Variants in RALYL observed in about 807,000 individuals in gnomAD.
The protein encoded by RALYL is RALY RNA binding protein like, also known as RNA-binding Raly-like protein.
A neutral mutation model predicts 35.1 loss-of-function variants in RALYL; 29 were observed. The observed-to-expected ratio is 0.83, with a 90% confidence interval of 0.61 to 1.13. The LOEUF (loss-of-function observed/expected upper bound fraction) is 1.13. Among genes scored for constraint, RALYL ranks in the 50% most tolerant of loss-of-function variants. The probability of loss-of-function intolerance (pLI) is 0.00; values close to 1 mark genes in which losing one functional copy is unlikely to be tolerated. For synonymous variants in RALYL, 120 were observed against 127.6 expected, an observed-to-expected ratio of 0.94 and a Z score of 0.40; for missense variants, 359 against 360.4, an observed-to-expected ratio of 1.00 and a Z score of 0.03.
At chr8:84,772,279 A>G (rs1442543390) in intron 2 of RALYL, among the ~76,000 whole-genome samples, 2 of 152,102 alleles carry the variant, frequency 1.3e-5, no homozygotes, top group Non-Finnish European at 2.9e-5. Flanking sequence ...AATATTGATA[A>G]GGCAACTTTA....
intron 4 of RALYL, among the ~76,000 whole-genome samples, chr8:84,814,655 A>T (rs1826752373): frequency 6.6e-6 from 1 of 152,218 alleles, no homozygotes; most frequent in African/African-American, 2.4e-5. Context: ...GAAAGTTACA[A>T]GAAGTTATTT....
At chr8:84,651,302 G>T (rs564641316) in intron 2 of RALYL, among the ~76,000 whole-genome samples, 2 of 151,512 alleles carry the variant, frequency 1.3e-5, no homozygotes, top group African/African-American at 2.4e-5. Flanking sequence ...TGATATGAAT[G>T]CCATAACTAT....
At chr8:84,720,962 G>A (rs1319473428) in intron 2 of RALYL, among the ~76,000 whole-genome samples, 2 of 152,014 alleles carry the variant, frequency 1.3e-5, no homozygotes, top group African/African-American at 4.8e-5. Context: ...GTTAAAATGG[G>A]TATTATTAAA....
intron 1 of RALYL, among the ~76,000 whole-genome samples, chr8:84,349,595 C>A (rs749206735): frequency 6.7e-6 from 1 of 150,240 alleles, no homozygotes; most frequent in Admixed American, 6.6e-5. Flanking sequence ...TTCTCTCCCC[C>A]CACCTACCCT....
chr8:84,488,122 C>T (rs2054850218), intron 1 of RALYL, among the ~76,000 whole-genome samples: 2 of 151,956 alleles, frequency 1.3e-5, no homozygotes, highest in Non-Finnish European at 1.5e-5. Flanking sequence ...ATTTATAACT[C>T]CACTTTATAG....
At chr8:84,380,671 G>T (rs907074949) in intron 1 of RALYL, among the ~76,000 whole-genome samples, 24 of 151,924 alleles carry the variant, frequency 1.6e-4, no homozygotes, top group Non-Finnish European at 3.2e-4. Context: ...AGGAGCAGAT[G>T]CTTGTGTCTC....
At chr8:84,728,097 A>C (rs1487784377) in intron 2 of RALYL, among the ~76,000 whole-genome samples, 1 of 151,462 alleles carries the variant, frequency 6.6e-6, no homozygotes, top group Admixed American at 6.6e-5. Context: ...CCAACAGTGT[A>C]AAAGTGTTCC....
chr8:84,664,977 C>G (rs573435362), intron 2 of RALYL, among the ~76,000 whole-genome samples: 7 of 152,124 alleles, frequency 4.6e-5, no homozygotes, highest in African/African-American at 1.7e-4. Flanking sequence ...ATATATGACT[C>G]TTATTATTTT....
intron 1 of RALYL, among the ~76,000 whole-genome samples, chr8:84,228,260 C>T (rs958003345): frequency 6.6e-6 from 1 of 151,498 alleles, no homozygotes; most frequent in Non-Finnish European, 1.5e-5. Flanking sequence ...GAAATACAGT[C>T]GCAAGAATAA....
chr8:84,663,142 G>A (rs1366553282), intron 2 of RALYL, among the ~76,000 whole-genome samples: 1 of 152,106 alleles, frequency 6.6e-6, no homozygotes, highest in Non-Finnish European at 1.5e-5. Flanking sequence ...CTCCATCCAT[G>A]TCCCTGCAAA....
chr8:84,385,136 G>A lies in RALYL; in HGVS notation c.-23-144163G>A, dbSNP rs576148002. 3.4e-4 allele frequency among the ~76,000 whole-genome samples: 52 copies of A among 151,842 alleles called. No individual in the cohort carries two copies. In the South Asian group the frequency reaches 9.1e-3, roughly 27 times the overall value. ...TGCAGTATATTTTCAAGCATTTTGC[G>A]TGTATATGAGTAATCAGATGATCCA... On this transcript the variant is annotated intron_variant, in intron 1 of 8. Coordinates refer to ENST00000521268, the MANE Select transcript of RALYL (RefSeq NM_173848.7).
chr8:84,417,632 A>G (rs778748788), intron 1 of RALYL, among the ~76,000 whole-genome samples: 14 of 151,940 alleles, frequency 9.2e-5, no homozygotes, highest in Non-Finnish European at 2.9e-5. Flanking sequence ...TCTCACTACA[A>G]TGGGAAATAA....
At chr8:84,756,858 T>C (rs1487968995) in intron 2 of RALYL, among the ~76,000 whole-genome samples, 1 of 152,084 alleles carries the variant, frequency 6.6e-6, no homozygotes, top group Non-Finnish European at 1.5e-5. Context: ...TTTTGATTAC[T>C]CTGTGAATAA....
intron 1 of RALYL, among the ~76,000 whole-genome samples, chr8:84,390,708 C>T (rs73300748): frequency 0.028 from 4,301 of 151,482 alleles, 198 homozygotes; most frequent in African/African-American, 0.098. Flanking sequence ...TCATTTTTTA[C>T]TGGAAGGTGG....
chr8:84,798,378 T>A (rs1822427119), intron 3 of RALYL, among the ~76,000 whole-genome samples: 1 of 152,238 alleles, frequency 6.6e-6, no homozygotes, highest in South Asian at 2.1e-4. Context: ...TAACCATTTA[T>A]CCACTATTTA....
In RALYL at chr8:84,638,963, CAG is replaced by C. The variant is rs1453564627; in HGVS notation, c.256+109388_256+109389del. Among the ~76,000 whole-genome samples, 12 of 70,014 alleles carry C rather than the reference CAG, an allele frequency of 1.7e-4. No individual in the cohort carries two copies. The East Asian group carries it at 2.2e-3, about 13-fold the overall frequency. 45.9% of individuals were successfully genotyped at this position (70,014 alleles called of 152,430 possible). The stretch of plus-strand genomic sequence containing the variant: ...CCATATATATGTACACACACACACA[CAG>C]ACACACACACACACACACACACACA... On this transcript the variant is annotated intron_variant, in intron 2 of 8. Coordinates refer to ENST00000521268, the MANE Select transcript of RALYL (RefSeq NM_173848.7).
intron 2 of RALYL, among the ~76,000 whole-genome samples, chr8:84,704,810 G>C (rs562488336): frequency 6.6e-6 from 1 of 151,834 alleles, no homozygotes; most frequent in Non-Finnish European, 1.5e-5. Flanking sequence ...AATTATTTAA[G>C]TAAAAAAAAA....
At chr8:84,691,653 G>A (rs552602890) in intron 2 of RALYL, among the ~76,000 whole-genome samples, 29 of 151,978 alleles carry the variant, frequency 1.9e-4, no homozygotes, top group African/African-American at 6.5e-4. Flanking sequence ...GTATAGAAGT[G>A]GTGAGGCCTA....
At chr8:84,223,339 C>T (rs912686788) in intron 1 of RALYL, among the ~76,000 whole-genome samples, 58 of 151,642 alleles carry the variant, frequency 3.8e-4, no homozygotes, top group Non-Finnish European at 8.8e-5. Flanking sequence ...TTAATAGGCT[C>T]TTTTGTCTCC....
Sources: gnomAD v4.1 joint callset for allele counts (sites outside exome capture counted in the v4.1 genomes callset) on GRCh38, gnomAD v4.1.1 for gene constraint, MANE v1.5 for transcripts, NCBI Gene and HGNC (gene_info 2026-07-23, HGNC 2026-07-21) for gene names.